REDIC1: variants seen among roughly 807,000 people sequenced by gnomAD.
REDIC1 encodes HEI10 Interacting Protein 1.
the REDIC1 span, among the ~76,000 whole-genome samples, chr12:39,628,056 G>T: frequency 6.6e-6 from 1 of 152,104 alleles, no homozygotes; most frequent in African/African-American, 2.4e-5. Context: ...GGCTTGCAGA[G>T]AATCATGTTT....
At chr12:39,711,059 C>G in the REDIC1 span, among the ~76,000 whole-genome samples, 3 of 151,514 alleles carry the variant, frequency 2.0e-5, no homozygotes, top group Non-Finnish European at 4.4e-5. Context: ...ACTCTTCCCC[C>G]CAAGTTCCCA....
the REDIC1 span, chr12:39,720,867 T>G: frequency 6.2e-7 from 1 of 1,613,068 alleles, no homozygotes; most frequent in Non-Finnish European, 8.5e-7. Context: ...AAAAAATGAA[T>G]AATTTTTATG....
chr12:39,820,716 T>G, the REDIC1 span, among the ~76,000 whole-genome samples: 3 of 45,980 alleles, frequency 6.5e-5, no homozygotes, highest in African/African-American at 2.8e-4. Flanking sequence ...AATTTTTAAA[T>G]TTATATATAT....
At chr12:39,872,693 T>A in the REDIC1 span, among the ~76,000 whole-genome samples, 5,689 of 152,288 alleles carry the variant, frequency 0.037, 157 homozygotes, top group Non-Finnish European at 0.056. Flanking sequence ...GGATGACAAG[T>A]TTATCACAAG....
chr12:39,895,086 C>G, the REDIC1 span, among the ~76,000 whole-genome samples: 1 of 152,074 alleles, frequency 6.6e-6, no homozygotes, highest in Admixed American at 6.5e-5. Context: ...CCAGGCTGGT[C>G]TTGAACTTCT....
chr12:39,730,665 TG>T, the REDIC1 span, among the ~76,000 whole-genome samples: 3 of 152,200 alleles, frequency 2.0e-5, no homozygotes, highest in African/African-American at 7.2e-5. Flanking sequence ...GGAGTATCTT[TG>T]TGGTATTCTC....
chr12:39,678,851 A>G, the REDIC1 span, among the ~76,000 whole-genome samples: 173 of 152,298 alleles, frequency 1.1e-3, no homozygotes, highest in African/African-American at 4.0e-3. Flanking sequence ...TAAGAATTAT[A>G]TGATCATTTC....
the REDIC1 span, among the ~76,000 whole-genome samples, chr12:39,663,476 A>G: frequency 3.3e-5 from 5 of 152,032 alleles, no homozygotes; most frequent in Non-Finnish European, 7.4e-5. Context: ...ATGTCTTAAG[A>G]GATGAATTGA....
the REDIC1 span, among the ~76,000 whole-genome samples, chr12:39,846,983 G>C: frequency 3.3e-5 from 5 of 152,268 alleles, no homozygotes; most frequent in Admixed American, 6.5e-5. Context: ...ACAAAAGGTA[G>C]CTGTTTCACT....
chr12:39,822,252 T>C, the REDIC1 span, among the ~76,000 whole-genome samples: 1 of 152,120 alleles, frequency 6.6e-6, no homozygotes, highest in Non-Finnish European at 1.5e-5. Context: ...AAAATCATGC[T>C]AGCCAACTGA....
chr12:39,700,479 T>C, the REDIC1 span, among the ~76,000 whole-genome samples: 10 of 152,058 alleles, frequency 6.6e-5, no homozygotes, highest in Non-Finnish European at 1.3e-4. Flanking sequence ...CTGAAAGTGA[T>C]GGGGAGAATG....
chr12:39,834,948 T>A, the REDIC1 span, among the ~76,000 whole-genome samples: 1 of 152,122 alleles, frequency 6.6e-6, no homozygotes, highest in African/African-American at 2.4e-5. Context: ...ATGGCATTTT[T>A]AAAAAGGAAC....
the REDIC1 span, among the ~76,000 whole-genome samples, chr12:39,762,983 T>C: frequency 6.6e-6 from 1 of 152,050 alleles, no homozygotes. Flanking sequence ...AAAAGTATAA[T>C]CATGTAAACT....
chr12:39,828,763 T>C, the REDIC1 span, among the ~76,000 whole-genome samples: 1 of 152,076 alleles, frequency 6.6e-6, no homozygotes, highest in African/African-American at 2.4e-5. Flanking sequence ...TTTAAAGCTG[T>C]GAACAAGTAC....
the REDIC1 span, among the ~76,000 whole-genome samples, chr12:39,676,834 G>A: frequency 6.6e-6 from 1 of 152,034 alleles, no homozygotes; most frequent in African/African-American, 2.4e-5. Context: ...ATAAGCCAAG[G>A]ATTTTCTATC....
the REDIC1 span, among the ~76,000 whole-genome samples, chr12:39,822,949 T>C: frequency 3.9e-5 from 6 of 152,196 alleles, no homozygotes; most frequent in African/African-American, 1.4e-4. Flanking sequence ...AGTGTTTTGG[T>C]CTTTTGATTT....
At chr12:39,718,419 G>C in the REDIC1 span, among the ~76,000 whole-genome samples, 7 of 151,998 alleles carry the variant, frequency 4.6e-5, no homozygotes, top group African/African-American at 1.7e-4. Flanking sequence ...CTGACTCTAG[G>C]GGCAAAGCAC....
the REDIC1 span, chr12:39,755,956 C>G: frequency 6.6e-6 from 1 of 151,888 alleles, no homozygotes; most frequent in Non-Finnish European, 1.5e-5. Context: ...AGACAAGATA[C>G]AAGAAAGAGT....
the REDIC1 span, among the ~76,000 whole-genome samples, chr12:39,700,866 C>A: frequency 6.6e-6 from 1 of 152,022 alleles, no homozygotes; most frequent in Non-Finnish European, 1.5e-5. Flanking sequence ...AAATCAAATC[C>A]TTTACAGACA....
Sources: allele counts gnomAD v4.1 joint callset (sites outside exome capture counted in the v4.1 genomes callset), GRCh38; gene constraint gnomAD v4.1.1; transcripts MANE v1.5; gene names NCBI Gene and HGNC (gene_info 2026-07-23, HGNC 2026-07-21).